Variants in TIAM1 observed in about 807,000 individuals in gnomAD.
The protein encoded by TIAM1 is rho guanine nucleotide exchange factor TIAM1.
In TIAM1, 65 loss-of-function variants were observed where a neutral mutation model predicts 163.5. That is an observed-to-expected ratio of 0.40 (90% CI 0.33 to 0.49). The LOEUF (loss-of-function observed/expected upper bound fraction) is 0.49, where lower values mean the gene tolerates loss of function less well. Among genes scored for constraint, TIAM1 ranks in the 20% least tolerant of loss-of-function variants. The probability of loss-of-function intolerance (pLI) is 0.77; values close to 1 mark genes in which losing one functional copy is unlikely to be tolerated. For synonymous variants in TIAM1, 833 were observed against 810.1 expected (o/e 1.03, Z -0.48); for missense variants, 1,789 against 2,044.7 (o/e 0.87, Z 2.41).
intron 2 of TIAM1, among the ~76,000 whole-genome samples, chr21:31,371,721 C>T (rs1323962510): frequency 1.3e-5 from 2 of 152,142 alleles, no homozygotes; most frequent in Non-Finnish European, 2.9e-5. Flanking sequence ...ACTGATGTTC[C>T]TCACTTGTAC....
chr21:31,138,416 C>T (rs922607291), intron 22 of TIAM1, among the ~76,000 whole-genome samples: 2 of 152,232 alleles, frequency 1.3e-5, no homozygotes, highest in Admixed American at 1.3e-4. Flanking sequence ...TTACAATAAA[C>T]CTGCTGTTAC....
intron 15 of TIAM1, among the ~76,000 whole-genome samples, chr21:31,179,063 G>C (rs902775007): frequency 1.2e-4 from 18 of 151,422 alleles, no homozygotes; most frequent in African/African-American, 4.1e-4. Context: ...AAGGATTTTT[G>C]ATGATTGTAA....
chr21:31,332,864 A>G (rs926828956), intron 2 of TIAM1, among the ~76,000 whole-genome samples: 1 of 152,130 alleles, frequency 6.6e-6, no homozygotes, highest in African/African-American at 2.4e-5. Flanking sequence ...TGCCCAAACT[A>G]GATTCCTCTA....
Position 31,147,122 on chromosome 21 carries a change from C to T in TIAM1, c.3367-119G>A. 4 of 750,866 alleles carry T rather than the reference C, an allele frequency of 5.3e-6. No individual in the cohort carries two copies. In the South Asian group the frequency reaches 6.7e-5, roughly 12 times the overall value. 46.5% of individuals were successfully genotyped at this position (750,866 alleles called of 1,614,324 possible). ...ACCCCACAAATCAACATCTTCCGTG[C>T]CTGTCAGAGCCTTTCTTTGCTATCA... On this transcript the variant is annotated intron_variant, in intron 19 of 27. Transcript: ENST00000541036.
intron 2 of TIAM1, among the ~76,000 whole-genome samples, chr21:31,448,379 C>A (rs2044705104): frequency 6.6e-6 from 1 of 152,102 alleles, no homozygotes; most frequent in African/African-American, 2.4e-5. Context: ...AGGAGGCGGG[C>A]GGATCACCTG....
At chr21:31,275,101 G>A (rs1486309712) in intron 3 of TIAM1, among the ~76,000 whole-genome samples, 1 of 149,068 alleles carries the variant, frequency 6.7e-6, no homozygotes, top group Non-Finnish European at 1.5e-5. Context: ...CAGCCTGGGT[G>A]ACAGAGCAAA....
chr21:31,439,049 G>T (rs186369553), intron 2 of TIAM1, among the ~76,000 whole-genome samples: 2 of 152,104 alleles, frequency 1.3e-5, no homozygotes, highest in African/African-American at 4.8e-5. Flanking sequence ...ATAATCACTA[G>T]GTAGCGATTA....
At chr21:31,419,640 T>G (rs577789969) in intron 2 of TIAM1, among the ~76,000 whole-genome samples, 1 of 152,298 alleles carries the variant, frequency 6.6e-6, no homozygotes, top group South Asian at 2.1e-4. Context: ...ATTTTTAATC[T>G]AAGGATGGAA....
At chr21:31,407,377 C>T (rs557686147) in intron 2 of TIAM1, among the ~76,000 whole-genome samples, 58 of 152,104 alleles carry the variant, frequency 3.8e-4, no homozygotes, top group Non-Finnish European at 4.7e-4. Flanking sequence ...ATGGTGGGAC[C>T]GAAACACGAA....
rs1248850247 is a variant in TIAM1 at position 31,266,181 on chromosome 21, A to G, written c.792T>C (p.Ile264=). The change falls in exon 4 of 28, where the codon ATT becomes ATC. Residue 264 remains isoleucine, a synonymous_variant. Coordinates refer to ENST00000541036, the MANE Select transcript of TIAM1 (RefSeq NM_001353694.2). The part of the protein sequence containing the change: ...AGYCRNLVSD[I]PNLANHKMPP... The stretch of plus-strand genomic sequence containing the variant: ...GCATCTTATGGTTTGCAAGATTGGG[A>G]ATATCAGACACCAAATTCCGACAGT... 1 of 1,614,106 alleles carries G rather than the reference A, an allele frequency of 6.2e-7. No individual in the cohort carries two copies. The highest frequency in any genetic ancestry group is 1.1e-5 in the South Asian group (1 of 91,076).
chr21:31,202,461 G>A (rs529794938), intron 12 of TIAM1, among the ~76,000 whole-genome samples: 11 of 152,180 alleles, frequency 7.2e-5, no homozygotes, highest in African/African-American at 2.7e-4. Context: ...AGTTACTCAG[G>A]AGGCTGGCAC....
chr21:31,455,421 T>A (rs963612977), intron 2 of TIAM1, among the ~76,000 whole-genome samples: 5 of 151,924 alleles, frequency 3.3e-5, no homozygotes, highest in African/African-American at 1.2e-4. Context: ...TTTTAATTTT[T>A]TTTTTTTTGA....
chr21:31,405,065 G>A (rs1419121636), intron 2 of TIAM1, among the ~76,000 whole-genome samples: 1 of 150,588 alleles, frequency 6.6e-6, no homozygotes, highest in Non-Finnish European at 1.5e-5. Flanking sequence ...GAGAGAGTGA[G>A]ACCCCCTCAT....
At chr21:31,227,879 A>G (rs1200696263) in intron 6 of TIAM1, among the ~76,000 whole-genome samples, 2 of 151,900 alleles carry the variant, frequency 1.3e-5, no homozygotes, top group Non-Finnish European at 2.9e-5. Flanking sequence ...CTCACAATAA[A>G]TGGGTATCTC....
At chr21:31,417,972 G>C (rs1354483321) in intron 2 of TIAM1, among the ~76,000 whole-genome samples, 1 of 152,134 alleles carries the variant, frequency 6.6e-6, no homozygotes, top group African/African-American at 2.4e-5. Context: ...AGTCAGCCAG[G>C]AACCACTGTG....
intron 8 of TIAM1, 113 bp from the exon 9 acceptor site, chr21:31,217,812 C>G (rs573825586): frequency 7.8e-7 from 1 of 1,285,604 alleles, no homozygotes; most frequent in Non-Finnish European, 1.1e-6. Context: ...ATCATGCCAG[C>G]CAACCCTGAC....
In TIAM1 at chr21:31,146,923, G is replaced by A; in HGVS notation, c.3447C>T (p.His1149=). 3.1e-6 allele frequency: 5 copies of A among 1,614,076 alleles called. No homozygotes were observed. The highest frequency in any genetic ancestry group is 4.2e-6 in the Non-Finnish European group (5 of 1,180,004). The change falls in exon 20 of 28, where the codon CAC becomes CAT. Residue 1149 remains histidine (H), a synonymous_variant. Transcript: ENST00000541036. ...TCACCAGGACCTTGGGAACTTTTGT[G>A]TGGCTGGCGCAGAAGGCACTGTAGA... ...FKLYSAFCAS[H]TKVPKVLVKA...
intron 13 of TIAM1, among the ~76,000 whole-genome samples, chr21:31,190,428 A>G (rs2085502039): frequency 6.6e-6 from 1 of 152,052 alleles, no homozygotes; most frequent in Non-Finnish European, 1.5e-5. Flanking sequence ...GAAACTAAGA[A>G]CAAACTCATG....
chr21:31,274,453 A>C (rs1270182666), intron 3 of TIAM1, among the ~76,000 whole-genome samples: 1 of 152,242 alleles, frequency 6.6e-6, no homozygotes, highest in Admixed American at 6.5e-5. Flanking sequence ...ACACAAAGGA[A>C]TCTGGAAACA....
Sources: allele counts gnomAD v4.1 joint callset (sites outside exome capture counted in the v4.1 genomes callset), GRCh38; gene constraint gnomAD v4.1.1; transcripts MANE v1.5; gene names NCBI Gene and HGNC (gene_info 2026-07-23, HGNC 2026-07-21).